The following RBFOX3 variants were observed in gnomAD, a reference collection of about 807,000 sequenced individuals.
The protein encoded by RBFOX3 is RNA binding fox-1 homolog 3.
In RBFOX3, 17 loss-of-function variants were observed where a neutral mutation model predicts 48.7. The ratio of observed to expected loss-of-function variants is 0.35; its 90% CI spans 0.24 to 0.52. The LOEUF is 0.52. Among genes scored for constraint, RBFOX3 ranks in the 20% least tolerant of loss-of-function variants. The pLI is 0.94. For missense variants in RBFOX3, 382 were observed against 497.5 expected (o/e 0.77, Z 2.21); for synonymous variants, 212 against 209.5 (o/e 1.01, Z -0.10).
At chr17:79,160,085 A>C (rs2046656467) in intron 4 of RBFOX3, among the ~76,000 whole-genome samples, 2 of 152,238 alleles carry the variant, frequency 1.3e-5, no homozygotes, top group Admixed American at 1.3e-4. Context: ...GCTCCGCTCG[A>C]GTAGTAAGTG....
intron 1 of RBFOX3, among the ~76,000 whole-genome samples, chr17:79,554,762 C>T (rs1194681802): frequency 6.6e-6 from 1 of 152,210 alleles, no homozygotes; most frequent in East Asian, 1.9e-4. Context: ...ACTCTAAAAC[C>T]AATATTTGAA....
chr17:79,190,596 T>TG (rs1567813955), intron 4 of RBFOX3, among the ~76,000 whole-genome samples: 1 of 152,120 alleles, frequency 6.6e-6, no homozygotes, highest in Admixed American at 6.5e-5. Context: ...AGCTCTCCAC[T>TG]GGGGGAGACC....
At position 79,418,143 on chromosome 17, in the gene RBFOX3, C is replaced by A. The variant is rs2065685363; in HGVS notation, c.-175+64311G>T. On this transcript the variant is annotated intron_variant, in intron 2 of 14. Coordinates refer to ENST00000693108, the MANE Select transcript of RBFOX3 (RefSeq NM_001350451.2). The surrounding 1 kb of genome is among the most constrained non-coding windows in gnomAD (Gnocchi z 5.0). ...ACATTCTGGAGATGGATGGTGATGG[C>A]CGCACAACAAGATGAATGTACTTAA... is the stretch of plus-strand genomic sequence containing the variant. Among the ~76,000 whole-genome samples the A allele has an allele frequency of 6.6e-6, 1 of 152,172 alleles. No homozygotes were observed. Among genetic ancestry groups the A allele is most frequent in the African/African-American group, 2.4e-5 (1 of 41,442 alleles).
chr17:79,634,574 T>A, the RBFOX3 span, among the ~76,000 whole-genome samples: 2 of 152,172 alleles, frequency 1.3e-5, no homozygotes, highest in African/African-American at 2.4e-5. Flanking sequence ...TGTCCGACTC[T>A]GTCTAAAGAC....
chr17:79,119,558 T>TAG (rs982492047), intron 4 of RBFOX3, among the ~76,000 whole-genome samples: 15 of 152,180 alleles, frequency 9.9e-5, no homozygotes, highest in African/African-American at 3.6e-4. Context: ...CATCGGGGTC[T>TAG]AGACCCTGCA....
intron 4 of RBFOX3, among the ~76,000 whole-genome samples, chr17:79,132,057 G>C (rs778167457): frequency 9.8e-5 from 15 of 152,300 alleles, no homozygotes; most frequent in Non-Finnish European, 2.1e-4. Context: ...AATCAGCAAG[G>C]AGCCAGGTGT....
intron 3 of RBFOX3, among the ~76,000 whole-genome samples, chr17:79,288,973 G>A (rs1431117563): frequency 6.6e-6 from 1 of 152,192 alleles, no homozygotes; most frequent in African/African-American, 2.4e-5. Context: ...AGCAGGGAAT[G>A]AGGGGGTGAG....
At chr17:79,459,874 T>C (rs9901068) in intron 2 of RBFOX3, among the ~76,000 whole-genome samples, 6,694 of 152,246 alleles carry the variant, frequency 0.044, 462 homozygotes, top group African/African-American at 0.15. Context: ...CACATGTCTA[T>C]TGTGTGACTG....
intron 4 of RBFOX3, among the ~76,000 whole-genome samples, chr17:79,149,594 G>A (rs747540241): frequency 5.3e-5 from 8 of 152,046 alleles, no homozygotes; most frequent in Non-Finnish European, 1.0e-4. Flanking sequence ...TTCCTCCTTC[G>A]GGACTGCTTG....
chr17:79,454,725 A>T (rs375691242), intron 2 of RBFOX3, among the ~76,000 whole-genome samples: 1 of 152,332 alleles, frequency 6.6e-6, no homozygotes, highest in East Asian at 1.9e-4. Flanking sequence ...AGGCAAAGAC[A>T]TCTGACCCAC....
At position 79,481,835 on chromosome 17, in the gene RBFOX3, G is replaced by A. The variant is rs1447024233; in HGVS notation, c.-175+619C>T. Among the ~76,000 whole-genome samples, 1 of 152,190 alleles carries A rather than the reference G, an allele frequency of 6.6e-6. No homozygotes were observed. The highest frequency in any genetic ancestry group is 1.5e-5 in the Non-Finnish European group (1 of 68,032). On this transcript the variant is annotated intron_variant, in intron 2 of 14. Coordinates refer to ENST00000693108, the MANE Select transcript of RBFOX3 (RefSeq NM_001350451.2). The surrounding 1 kb of genome is among the most constrained non-coding windows in gnomAD (Gnocchi z 5.4). ...AAATTATCAAAACTGAGGGGTCCTGGGAACCTCTGAATTTGCCACTGGTCA... is the reference window on the plus strand; with the variant it reads ...AAATTATCAAAACTGAGGGGTCCTGAGAACCTCTGAATTTGCCACTGGTCA...
At chr17:79,478,154 G>A (rs887088803) in intron 2 of RBFOX3, among the ~76,000 whole-genome samples, 9 of 152,334 alleles carry the variant, frequency 5.9e-5, no homozygotes, top group Non-Finnish European at 1.0e-4. Flanking sequence ...CCTCAAGGGT[G>A]CCATGCTCCC....
chr17:79,383,014 T>C (rs1173996002), intron 2 of RBFOX3, among the ~76,000 whole-genome samples: 1 of 142,288 alleles, frequency 7.0e-6, no homozygotes. Context: ...TCCAAATCAA[T>C]CAATCTCTGC....
chr17:79,450,541 A>ATTT (rs11387223), intron 2 of RBFOX3, among the ~76,000 whole-genome samples: 89 of 150,512 alleles, frequency 5.9e-4, no homozygotes, highest in Admixed American at 9.9e-4. Context: ...TGGACTTCTG[A>ATTT]TTTTTTTTTT....
intron 2 of RBFOX3, among the ~76,000 whole-genome samples, chr17:79,354,702 A>C (rs2084632137): frequency 6.6e-6 from 1 of 152,254 alleles, no homozygotes; most frequent in Non-Finnish European, 1.5e-5. Context: ...AGGAGCCCTC[A>C]GGAGGGTTTC....
Position 79,311,360 on chromosome 17 carries a change from G to GA in RBFOX3, c.-174-3537dup, listed in dbSNP as rs955759380. Reference sequence around the variant, plus strand: ...AGGCAGGAGAATCACTCGAACCTGGGAGGCAGAGGTTGCAGTGAGCCAAGA... The same window carrying GA: ...AGGCAGGAGAATCACTCGAACCTGGGAAGGCAGAGGTTGCAGTGAGCCAAGA... On this transcript the variant is annotated intron_variant, in intron 2 of 14. Transcript: ENST00000693108. This position sits in a 1 kb window ranked among gnomAD's most constrained non-coding sequence, Gnocchi z 4.2. Among the ~76,000 whole-genome samples, 3 of 151,508 alleles carry GA rather than the reference G, an allele frequency of 2.0e-5. No individual in the cohort carries two copies. The highest frequency in any genetic ancestry group is 7.3e-5 in the African/African-American group (3 of 41,182).
the RBFOX3 span, among the ~76,000 whole-genome samples, chr17:79,658,565 G>A: frequency 6.6e-6 from 1 of 151,824 alleles, no homozygotes; most frequent in Non-Finnish European, 1.5e-5. Flanking sequence ...TGCCTGCCTG[G>A]AATAGGCACT....
intron 2 of RBFOX3, among the ~76,000 whole-genome samples, chr17:79,406,871 C>T (rs751578753): frequency 2.0e-5 from 3 of 152,182 alleles, no homozygotes; most frequent in Non-Finnish European, 2.9e-5. Context: ...AAGAAATACC[C>T]GAAGCTGGCT....
chr17:79,141,279 T>C (rs1439850624), intron 4 of RBFOX3, among the ~76,000 whole-genome samples: 1 of 151,980 alleles, frequency 6.6e-6, no homozygotes, highest in Non-Finnish European at 1.5e-5. Flanking sequence ...GGAGCTGGGG[T>C]TGGGGCAGGA....
Sources: gnomAD v4.1 joint callset for allele counts (sites outside exome capture counted in the v4.1 genomes callset) on GRCh38, gnomAD v4.1.1 for gene constraint, Gnocchi (gnomAD v3.1) non-coding constraint, MANE v1.5 for transcripts, NCBI Gene and HGNC (gene_info 2026-07-23, HGNC 2026-07-21) for gene names.